The following MAGI2 variants were observed in gnomAD, a reference collection of about 807,000 sequenced individuals.
MAGI2 encodes the protein membrane associated guanylate kinase, WW and PDZ domain containing 2.
MAGI2 carries 35 observed loss-of-function variants against 133.3 expected under a neutral mutation model. The observed-to-expected ratio is 0.26, with a 90% CI of 0.20 to 0.35. The LOEUF (loss-of-function observed/expected upper bound fraction) is 0.35, where lower values mean the gene tolerates loss of function less well. Ranked by LOEUF, MAGI2 falls within the 10% of genes least tolerant of loss-of-function variation. The probability of loss-of-function intolerance (pLI) is 1.00; values close to 1 mark genes in which losing one functional copy is unlikely to be tolerated. For synonymous variants in MAGI2, 729 were observed against 710.6 expected, an observed-to-expected ratio of 1.03 and a Z score of -0.41; for missense variants, 1,636 against 1,863.4, an observed-to-expected ratio of 0.88 and a Z score of 2.25.
chr7:78,267,460 C>A (rs751012437), intron 9 of MAGI2, among the ~76,000 whole-genome samples: 2 of 152,088 alleles, frequency 1.3e-5, no homozygotes, highest in Non-Finnish European at 2.9e-5. Context: ...CAAACTTGGA[C>A]CCTTTTATTT....
chr7:78,893,754 A>G (rs1019151802), intron 2 of MAGI2, among the ~76,000 whole-genome samples: 1 of 152,154 alleles, frequency 6.6e-6, no homozygotes, highest in African/African-American at 2.4e-5. Flanking sequence ...GAGGGATAGC[A>G]TTAGGAGATA....
In MAGI2 at chr7:79,378,924, GTGTATATATATATATATATATATA is replaced by G. The variant is rs1554465127; in HGVS notation, c.301+74072_301+74095del. ...TTCTTTTATATATATATATGTGTGT[GTGTATATATATATATATATATATA>G]TATATATATATATATATATATATTA... On this transcript the variant is annotated intron_variant, in intron 1 of 21. Transcript: ENST00000354212. 1.3e-3 allele frequency among the ~76,000 whole-genome samples: 65 copies of G among 48,232 alleles called. 2 individuals carry two copies. Among genetic ancestry groups the G allele is most frequent in the East Asian group, 3.3e-3 (3 of 906 alleles). The allele number at this position is 48,232 out of a possible 152,430, so 31.6% of individuals were successfully genotyped here.
At chr7:79,135,112 T>G (rs1349919918) in intron 1 of MAGI2, among the ~76,000 whole-genome samples, 2 of 152,178 alleles carry the variant, frequency 1.3e-5, no homozygotes, top group East Asian at 3.8e-4. Flanking sequence ...CACTATGGTA[T>G]CAGGTGGTGT....
Position 79,146,218 on chromosome 7 carries a change from G to T in MAGI2, c.302-139012C>A, listed in dbSNP as rs140151212. On this transcript the variant is annotated intron_variant, in intron 1 of 21. Transcript: ENST00000354212. ...TCAGTTGTGATGTGGAAGAGGGAGA[G>T]CAAAATTAGCTTTCAGCAAACACAG... is the stretch of plus-strand genomic sequence containing the variant. Among the ~76,000 whole-genome samples the T allele has an allele frequency of 2.3e-4, 35 of 152,312 alleles. No homozygotes were observed. In the East Asian group the frequency reaches 6.8e-3, roughly 29 times the overall value.
At chr7:78,704,228 C>A (rs983348918) in intron 2 of MAGI2, among the ~76,000 whole-genome samples, 1 of 151,864 alleles carries the variant, frequency 6.6e-6, no homozygotes, top group Non-Finnish European at 1.5e-5. Flanking sequence ...CAACAAAAAA[C>A]CAAGCAACCC....
At chr7:78,805,920 C>T (rs947684421) in intron 2 of MAGI2, among the ~76,000 whole-genome samples, 7 of 152,152 alleles carry the variant, frequency 4.6e-5, no homozygotes, top group African/African-American at 1.7e-4. Flanking sequence ...ATCTTCCCTA[C>T]AACCTCATGA....
Position 79,292,770 on chromosome 7 carries a change from C to CAAAAAAAAAAAAAAAAAAA in MAGI2, c.301+160231_301+160249dup, listed in dbSNP as rs199933554. Among the ~76,000 whole-genome samples, 2 of 57,408 alleles carry CAAAAAAAAAAAAAAAAAAA rather than the reference C, an allele frequency of 3.5e-5. 1 individual carries two copies. The allele number at this position is 57,408 out of a possible 152,430, so 37.7% of individuals were successfully genotyped here. On this transcript the variant is annotated intron_variant, in intron 1 of 21. Coordinates refer to ENST00000354212, the MANE Select transcript of MAGI2 (RefSeq NM_012301.4). ...TTTTGGACCACTTTGTCAATTTCTG[C>CAAAAAAAAAAAAAAAAAAA]AAAAAAAAAAAAAAAAAAAAAAAAA...
rs115736563 is a variant in MAGI2 at position 79,092,090 on chromosome 7, T to C, written c.302-84884A>G. On this transcript the variant is annotated intron_variant, in intron 1 of 21. Transcript: ENST00000354212. ...CTAGGAGGAATGAAATTTTACTGGA[T>C]TTTTCAGAAGTTCCACATTTTTTGT... is the stretch of plus-strand genomic sequence containing the variant. 7.7e-3 allele frequency among the ~76,000 whole-genome samples: 1,170 copies of C among 152,244 alleles called. 19 individuals carry two copies. The highest frequency in any genetic ancestry group is 0.027 in the African/African-American group (1,110 of 41,556).
chr7:78,706,480 CAGTGAACT>C (rs1165255627), intron 2 of MAGI2, among the ~76,000 whole-genome samples: 1 of 152,074 alleles, frequency 6.6e-6, no homozygotes, highest in Non-Finnish European at 1.5e-5. Flanking sequence ...CAGACTAATA[CAGTGAACT>C]ATATGAGAAA....
chr7:79,242,536 C>G (rs1358185821), intron 1 of MAGI2, among the ~76,000 whole-genome samples: 4 of 152,106 alleles, frequency 2.6e-5, no homozygotes, highest in Admixed American at 2.0e-4. Context: ...AGTTTCTACT[C>G]TTAGTATGCT....
rs71531163 is a variant in MAGI2 at position 79,214,360 on chromosome 7, C to CCTCT, written c.302-207158_302-207155dup. 3.3e-3 allele frequency among the ~76,000 whole-genome samples: 90 copies of CCTCT among 27,564 alleles called. 1 individual carries two copies. The highest frequency in any genetic ancestry group is 5.5e-3 in the East Asian group (5 of 906). The allele number at this position is 27,564 out of a possible 152,430, so 18.1% of individuals were successfully genotyped here. A position where few individuals can be genotyped will look rare whatever the true frequency, so the allele number is the denominator to read the frequency against. ...GGACATGTCATTTCTGCATTACGCA[C>CCTCT]CTCTCTCTCTCTCTCTCTCTCTCTC... On this transcript the variant is annotated intron_variant, in intron 1 of 21. Transcript: ENST00000354212.
intron 1 of MAGI2, among the ~76,000 whole-genome samples, chr7:79,057,496 TA>T (rs1358118925): frequency 5.9e-5 from 9 of 152,244 alleles, no homozygotes; most frequent in African/African-American, 2.2e-4. Context: ...TGTAAGCTTA[TA>T]ATATTCTTAC....
At chr7:79,149,305 G>A (rs1012063536) in intron 1 of MAGI2, among the ~76,000 whole-genome samples, 1 of 151,460 alleles carries the variant, frequency 6.6e-6, no homozygotes, top group Non-Finnish European at 1.5e-5. Flanking sequence ...AATTTCACAT[G>A]ACAGGTTTTC....
At chr7:78,134,729 G>T in intron 17 of MAGI2, 1 of 260,520 alleles carries the variant, frequency 3.8e-6, no homozygotes, top group Non-Finnish European at 7.3e-6. Context: ...CCATAAAAGT[G>T]GGGGCCCACA....
intron 1 of MAGI2, among the ~76,000 whole-genome samples, chr7:79,028,277 GTATA>G (rs1241170706): frequency 6.0e-4 from 18 of 30,144 alleles, no homozygotes; most frequent in African/African-American, 1.7e-3. Context: ...ATGTATGTAT[GTATA>G]TATATATATA....
At chr7:79,048,742 G>A (rs1812400891) in intron 1 of MAGI2, among the ~76,000 whole-genome samples, 1 of 152,168 alleles carries the variant, frequency 6.6e-6, no homozygotes, top group Non-Finnish European at 1.5e-5. Flanking sequence ...GGGAAGCCAA[G>A]GTGGGCCGAT....
chr7:78,455,967 A>G (rs1789272759), intron 6 of MAGI2, among the ~76,000 whole-genome samples: 1 of 138,934 alleles, frequency 7.2e-6, no homozygotes, highest in Non-Finnish European at 1.5e-5. Context: ...ACTACTTTAA[A>G]GAGACCCACT....
chr7:78,164,980 A>G (rs566881716), intron 15 of MAGI2, among the ~76,000 whole-genome samples: 10 of 152,376 alleles, frequency 6.6e-5, no homozygotes, highest in Non-Finnish European at 1.0e-4. Flanking sequence ...GGCATGGATA[A>G]GGCATCTTCT....
intron 2 of MAGI2, among the ~76,000 whole-genome samples, chr7:78,949,344 A>G (rs2363924): frequency 0.84 from 127,940 of 152,088 alleles, 54,536 homozygotes; most frequent in Middle Eastern, 0.95. Context: ...ACTGGCAATG[A>G]TACAATTAAT....
Sources: gnomAD v4.1 joint callset for allele counts (sites outside exome capture counted in the v4.1 genomes callset) on GRCh38, gnomAD v4.1.1 for gene constraint, MANE v1.5 for transcripts, NCBI Gene and HGNC (gene_info 2026-07-23, HGNC 2026-07-21) for gene names.